MIPOL1: variants seen among roughly 807,000 people sequenced by gnomAD.
The protein encoded by MIPOL1 is mirror-image polydactyly 1.
MIPOL1 carries 57 observed loss-of-function variants against 60.9 expected under a neutral mutation model. The observed-to-expected ratio is 0.94, with a 90% CI of 0.76 to 1.17. MIPOL1 has a LOEUF of 1.17. MIPOL1 is among the 50% of genes most tolerant of loss of function. The probability of loss-of-function intolerance (pLI) is 0.00; values close to 1 mark genes in which losing one functional copy is unlikely to be tolerated. For missense variants in MIPOL1, 551 were observed against 511.6 expected, an observed-to-expected ratio of 1.08 and a Z score of -0.74; for synonymous variants, 179 against 168.8, an observed-to-expected ratio of 1.06 and a Z score of -0.47.
rs186083402 is a variant in MIPOL1, at chr14:37,495,203, A to G, written c.1032-4705A>G. ...GTGCAGGTTAGTTACATATGTATAC[A>G]TGTGCCATGCTGGTGCGCTGCACCC... is the stretch of plus-strand genomic sequence containing the variant. On this transcript the variant is annotated intron_variant, in intron 11 of 12. Coordinates refer to ENST00000684589, the MANE Select transcript of MIPOL1 (RefSeq NM_001388067.1). 9.0e-3 allele frequency among the ~76,000 whole-genome samples: 1,348 copies of G among 149,148 alleles called. 22 individuals carry two copies. Among genetic ancestry groups the G allele is most frequent in the African/African-American group, 0.032 (1,271 of 40,332 alleles).
At chr14:37,445,390 G>C (rs1350565352) in intron 11 of MIPOL1, among the ~76,000 whole-genome samples, 1 of 152,014 alleles carries the variant, frequency 6.6e-6, no homozygotes, top group Admixed American at 6.6e-5. Flanking sequence ...TCTTCAAGGA[G>C]AACTACAAAC....
intron 1 of MIPOL1, among the ~76,000 whole-genome samples, chr14:37,238,384 G>T (rs1165413008): frequency 1.3e-5 from 2 of 151,892 alleles, no homozygotes; most frequent in Non-Finnish European, 2.9e-5. Context: ...TTTCCCCCCA[G>T]CTCCCATTCT....
At chr14:37,286,098 T>C (rs2084541382) in intron 7 of MIPOL1, among the ~76,000 whole-genome samples, 1 of 152,236 alleles carries the variant, frequency 6.6e-6, no homozygotes, top group Non-Finnish European at 1.5e-5. Flanking sequence ...TCATTTCAGC[T>C]ATCTGAGTCT....
intron 2 of MIPOL1, among the ~76,000 whole-genome samples, 164 bp downstream of exon 2, chr14:37,247,404 T>C (rs1453815483): frequency 6.6e-6 from 1 of 152,028 alleles, no homozygotes; most frequent in African/African-American, 2.4e-5. Context: ...AAATTACTTT[T>C]ATAAGTAAAA....
intron 3 of MIPOL1, 35 bp from the exon 4 acceptor site, chr14:37,266,903 A>T: frequency 7.2e-7 from 1 of 1,379,356 alleles, no homozygotes; most frequent in Non-Finnish European, 1.0e-6. Flanking sequence ...TATGGTGTTT[A>T]ATATATCATG....
At chr14:37,443,457 CAAAAAAAAAAAAAAA>C (rs3062712) in intron 11 of MIPOL1, among the ~76,000 whole-genome samples, 7 of 45,464 alleles carry the variant, frequency 1.5e-4, no homozygotes, top group African/African-American at 4.9e-4. Context: ...ACTATCTCAC[CAAAAAAAAAAAAAAA>C]AAAAAAAAAA....
chr14:37,349,646 C>A (rs1439138816), intron 9 of MIPOL1, among the ~76,000 whole-genome samples: 7 of 152,172 alleles, frequency 4.6e-5, no homozygotes, highest in Non-Finnish European at 1.0e-4. Context: ...TCAATTATGT[C>A]TTTTCTATGT....
At chr14:37,351,165 T>G (rs1483672166) in intron 9 of MIPOL1, among the ~76,000 whole-genome samples, 1 of 146,106 alleles carries the variant, frequency 6.8e-6, no homozygotes, top group Non-Finnish European at 1.5e-5. Context: ...GGTGTTTGGT[T>G]TTTTGTTCTT....
chr14:37,328,117 A>G (rs1387719160), intron 9 of MIPOL1, among the ~76,000 whole-genome samples: 2 of 152,004 alleles, frequency 1.3e-5, no homozygotes. Context: ...AGTTCAATCA[A>G]TTCTTCTGCC....
intron 6 of MIPOL1, among the ~76,000 whole-genome samples, chr14:37,280,293 A>G (rs937620906): frequency 2.6e-5 from 4 of 152,124 alleles, no homozygotes; most frequent in African/African-American, 7.2e-5. Context: ...GAGTGTAGGC[A>G]TCTCTTTAAC....
intron 9 of MIPOL1, among the ~76,000 whole-genome samples, chr14:37,357,194 A>G (rs2153479595): frequency 6.6e-6 from 1 of 152,322 alleles, no homozygotes; most frequent in African/African-American, 2.4e-5. Flanking sequence ...AATTTTCTCC[A>G]TAGTGATTGT....
chr14:37,504,962 A>C (rs1165599295), intron 12 of MIPOL1: 1 of 152,180 alleles, frequency 6.6e-6, no homozygotes, highest in African/African-American at 2.4e-5. Context: ...CCATCAGATA[A>C]TACTATAAAC....
At chr14:37,200,668 T>G (rs1399854168) in intron 1 of MIPOL1, among the ~76,000 whole-genome samples, 2 of 150,260 alleles carry the variant, frequency 1.3e-5, no homozygotes, top group East Asian at 1.9e-4. Context: ...CAGTTAGTTT[T>G]TTTTTTTTTT....
chr14:37,231,003 T>A (rs1244441497), intron 1 of MIPOL1, among the ~76,000 whole-genome samples: 3 of 152,190 alleles, frequency 2.0e-5, no homozygotes, highest in African/African-American at 4.8e-5. Flanking sequence ...TGTGTACAGT[T>A]GATTGGTGGA....
At chr14:37,498,248 G>T (rs1313087351) in intron 11 of MIPOL1, among the ~76,000 whole-genome samples, 1 of 151,998 alleles carries the variant, frequency 6.6e-6, no homozygotes, top group Non-Finnish European at 1.5e-5. Flanking sequence ...CATTTGTTCT[G>T]TATTTTGTTC....
intron 10 of MIPOL1, among the ~76,000 whole-genome samples, chr14:37,415,995 A>G (rs535934611): frequency 4.1e-4 from 62 of 152,244 alleles, no homozygotes; most frequent in Non-Finnish European, 8.4e-4. Context: ...TAAGTAGTTG[A>G]TAATCTCTCT....
At chr14:37,532,230 A>G (rs2095484071) in intron 12 of MIPOL1, among the ~76,000 whole-genome samples, 1 of 152,180 alleles carries the variant, frequency 6.6e-6, no homozygotes, top group African/African-American at 2.4e-5. Flanking sequence ...CACTCACAGT[A>G]AATAAATTTG....
intron 1 of MIPOL1, chr14:37,240,549 G>C (rs1972185228): frequency 6.6e-6 from 1 of 152,124 alleles, no homozygotes. Context: ...CAGGCTATTT[G>C]TTCCTTGGAG....
chr14:37,476,229 A>ATGTCC (rs777589934), intron 11 of MIPOL1, among the ~76,000 whole-genome samples: 15 of 152,178 alleles, frequency 9.9e-5, no homozygotes, highest in Admixed American at 2.6e-4. Context: ...AAATAATCTT[A>ATGTCC]TGTCCTGCAA....
Sources: allele counts gnomAD v4.1 joint callset (sites outside exome capture counted in the v4.1 genomes callset), GRCh38; gene constraint gnomAD v4.1.1; transcripts MANE v1.5; gene names NCBI Gene and HGNC (gene_info 2026-07-23, HGNC 2026-07-21).